Variants in CNTNAP2 observed in about 807,000 individuals in gnomAD.
CNTNAP2 encodes the protein contactin associated protein 2.
CNTNAP2 carries 98 observed loss-of-function variants against 155.2 expected under a neutral mutation model. The ratio of observed to expected loss-of-function variants is 0.63; its 90% CI spans 0.54 to 0.75. The LOEUF (loss-of-function observed/expected upper bound fraction) is 0.75. Ranked by LOEUF, CNTNAP2 falls within the 30% of genes least tolerant of loss-of-function variation. The pLI is 0.00. For synonymous variants in CNTNAP2, 651 were observed against 631.2 expected (o/e 1.03, Z -0.47); for missense variants, 1,727 against 1,688.1 (o/e 1.02, Z -0.40).
At chr7:147,704,278 A>G (rs150548190) in intron 13 of CNTNAP2, 2,544 of 156,824 alleles carry the variant, frequency 0.016, 225 homozygotes, top group Admixed American at 0.15. Flanking sequence ...AAAAAATACA[A>G]TAAAGTTCTT....
intron 1 of CNTNAP2, among the ~76,000 whole-genome samples, chr7:146,295,677 G>C (rs1260850877): frequency 1.3e-5 from 2 of 151,930 alleles, no homozygotes; most frequent in African/African-American, 2.4e-5. Flanking sequence ...ATTTTTAAAA[G>C]ATATTGGTTA....
At chr7:147,483,608 G>GTAAATTACT (rs1798463235) in intron 10 of CNTNAP2, among the ~76,000 whole-genome samples, 1 of 152,112 alleles carries the variant, frequency 6.6e-6, no homozygotes, top group Non-Finnish European at 1.5e-5. Context: ...ATGAGCTGAT[G>GTAAATTACT]TAAATTACTT....
intron 22 of CNTNAP2, among the ~76,000 whole-genome samples, chr7:148,403,123 C>T (rs1300051661): frequency 4.4e-5 from 2 of 45,258 alleles, no homozygotes; most frequent in South Asian, 9.2e-4. Context: ...TGTGTGTGGG[C>T]GCTAAAGCCT....
At chr7:147,232,518 G>T (rs1227480469) in intron 8 of CNTNAP2, among the ~76,000 whole-genome samples, 3 of 152,140 alleles carry the variant, frequency 2.0e-5, no homozygotes, top group African/African-American at 7.2e-5. Flanking sequence ...AGAGAGCCTA[G>T]AAATAAATTT....
At chr7:148,409,797 A>T (rs9648693) in intron 23 of CNTNAP2, among the ~76,000 whole-genome samples, 1 of 72,360 alleles carries the variant, frequency 1.4e-5, no homozygotes, top group Non-Finnish European at 3.0e-5. Flanking sequence ...CACGCCTGTA[A>T]TCCCAGCACT....
chr7:146,807,705 A>C (rs933238930), intron 2 of CNTNAP2, among the ~76,000 whole-genome samples: 1 of 151,574 alleles, frequency 6.6e-6, no homozygotes, highest in Admixed American at 6.6e-5. Context: ...ACTTGTCTTT[A>C]GTCTTCTCTC....
At chr7:147,057,011 G>A (rs1272216448) in intron 4 of CNTNAP2, among the ~76,000 whole-genome samples, 8 of 151,450 alleles carry the variant, frequency 5.3e-5, no homozygotes, top group Non-Finnish European at 7.4e-5. Flanking sequence ...TTTTCCCCAC[G>A]TTGGTTTTAG....
At chr7:146,424,004 T>C (rs548253570) in intron 1 of CNTNAP2, among the ~76,000 whole-genome samples, 1 of 152,198 alleles carries the variant, frequency 6.6e-6, no homozygotes, top group African/African-American at 2.4e-5. Context: ...TTAAATGAGA[T>C]AATATGTCTG....
chr7:148,019,787 G>T (rs576158708), intron 15 of CNTNAP2, among the ~76,000 whole-genome samples: 13 of 151,056 alleles, frequency 8.6e-5, no homozygotes, highest in Non-Finnish European at 1.5e-4. Context: ...GGGGAGGGGT[G>T]TGAGGGGAGG....
chr7:147,035,053 T>G (rs1799127531), intron 3 of CNTNAP2, among the ~76,000 whole-genome samples: 1 of 152,216 alleles, frequency 6.6e-6, no homozygotes, highest in Non-Finnish European at 1.5e-5. Flanking sequence ...CATTCTGTTT[T>G]GACCAGATCC....
chr7:147,078,639 G>C (rs1025132066), intron 4 of CNTNAP2, among the ~76,000 whole-genome samples: 1 of 151,350 alleles, frequency 6.6e-6, no homozygotes, highest in Admixed American at 6.6e-5. Context: ...TGGCCACGAT[G>C]GTCTAACACA....
At chr7:146,921,924 G>C (rs1339078840) in intron 3 of CNTNAP2, among the ~76,000 whole-genome samples, 1 of 152,080 alleles carries the variant, frequency 6.6e-6, no homozygotes, top group Non-Finnish European at 1.5e-5. Context: ...CTTGAATCTA[G>C]AGGAAGAAAG....
intron 12 of CNTNAP2, among the ~76,000 whole-genome samples, chr7:147,622,660 A>G (rs1327842774): frequency 6.6e-6 from 1 of 152,018 alleles, no homozygotes; most frequent in Non-Finnish European, 1.5e-5. Context: ...GTTTATAGCT[A>G]TAACTGTCTA....
chr7:147,720,722 GAAGA>G (rs1796553992), intron 13 of CNTNAP2, among the ~76,000 whole-genome samples: 1 of 152,050 alleles, frequency 6.6e-6, no homozygotes, highest in South Asian at 2.1e-4. Context: ...GCCGCCTTGC[GAAGA>G]AAGTACCTCG....
intron 1 of CNTNAP2, among the ~76,000 whole-genome samples, chr7:146,360,395 C>T (rs114192879): frequency 2.6e-5 from 4 of 152,226 alleles, no homozygotes; most frequent in Admixed American, 6.5e-5. Context: ...TGTGTAAAAA[C>T]GTCACAAGGA....
chr7:146,195,151 T>C (rs1366162107), intron 1 of CNTNAP2: 2 of 152,224 alleles, frequency 1.3e-5, no homozygotes, highest in East Asian at 3.8e-4. Context: ...CTTGGAAAGA[T>C]AAAACTTCCT....
chr7:147,879,187 C>T (rs1417444326), intron 13 of CNTNAP2, among the ~76,000 whole-genome samples: 2 of 152,200 alleles, frequency 1.3e-5, no homozygotes, highest in Non-Finnish European at 2.9e-5. Flanking sequence ...GGATTTCCGA[C>T]AGCTTCTTCT....
At chr7:147,106,497 C>T (rs1387008636) in intron 4 of CNTNAP2, among the ~76,000 whole-genome samples, 1 of 152,036 alleles carries the variant, frequency 6.6e-6, no homozygotes, top group East Asian at 1.9e-4. Context: ...TCTCAGAGAA[C>T]AGAATTCTGT....
chr7:148,261,645 G>A (rs1013800553), intron 20 of CNTNAP2, among the ~76,000 whole-genome samples: 2 of 152,178 alleles, frequency 1.3e-5, no homozygotes, highest in East Asian at 1.9e-4. Context: ...GCGACAGGCT[G>A]GCTGCCCTCT....
Sources: allele counts gnomAD v4.1 joint callset (sites outside exome capture counted in the v4.1 genomes callset), GRCh38; gene constraint gnomAD v4.1.1; transcripts MANE v1.5; gene names NCBI Gene and HGNC (gene_info 2026-07-23, HGNC 2026-07-21).